Variants in STK31 observed in about 807,000 individuals in gnomAD.
STK31 encodes serine/threonine-protein kinase 31.
STK31 carries 89 observed loss-of-function variants against 129.7 expected under a neutral mutation model. The observed-to-expected ratio is 0.69, with a 90% CI of 0.58 to 0.82. The LOEUF (loss-of-function observed/expected upper bound fraction) is 0.82, where lower values mean the gene tolerates loss of function less well. Ranked by LOEUF, STK31 falls within the 40% of genes least tolerant of loss-of-function variation. The pLI is 0.00. For missense variants in STK31, 1,187 were observed against 1,176.4 expected, an observed-to-expected ratio of 1.01 and a Z score of -0.13; for synonymous variants, 448 against 395.3, an observed-to-expected ratio of 1.13 and a Z score of -1.58.
At chr7:23,724,093 A>G (rs1346063427) in intron 4 of STK31, among the ~76,000 whole-genome samples, 3 of 152,210 alleles carry the variant, frequency 2.0e-5, no homozygotes, top group Non-Finnish European at 2.9e-5. Context: ...AACAATTTAA[A>G]AGACAAATGG....
At chr7:23,816,049 A>T (rs1793451133) in intron 23 of STK31, among the ~76,000 whole-genome samples, 1 of 152,162 alleles carries the variant, frequency 6.6e-6, no homozygotes, top group Non-Finnish European at 1.5e-5. Flanking sequence ...ATTGTATAAT[A>T]CCTTCTAATG....
intron 22 of STK31, among the ~76,000 whole-genome samples, chr7:23,796,184 G>A (rs1384931869): frequency 1.1e-4 from 16 of 152,108 alleles, no homozygotes; most frequent in Admixed American, 1.0e-3. Flanking sequence ...TTTGAATTAC[G>A]GGGTGGTTCC....
At chr7:23,737,833 C>G (rs1020686280) in intron 8 of STK31, among the ~76,000 whole-genome samples, 1 of 151,194 alleles carries the variant, frequency 6.6e-6, no homozygotes, top group Non-Finnish European at 1.5e-5. Context: ...AGAAATTTTC[C>G]CCCCCAGGGA....
intron 20 of STK31, among the ~76,000 whole-genome samples, 166 bp downstream of exon 20, chr7:23,787,090 G>A (rs1229388593): frequency 6.6e-6 from 1 of 152,164 alleles, no homozygotes. Context: ...ATATAGATGA[G>A]AAAAAGCGTT....
At chr7:23,765,792 C>G (rs946295983) in intron 11 of STK31, among the ~76,000 whole-genome samples, 10 of 152,162 alleles carry the variant, frequency 6.6e-5, no homozygotes, top group African/African-American at 2.4e-4. Context: ...AGTCATCCAC[C>G]CGCCTCAGCC....
intron 20 of STK31, among the ~76,000 whole-genome samples, 169 bp downstream of exon 20, chr7:23,787,093 A>G (rs941680411): frequency 2.5e-4 from 38 of 152,154 alleles, no homozygotes; most frequent in Admixed American, 2.5e-3. Context: ...TAGATGAGAA[A>G]AAGCGTTAAA....
chr7:23,815,896 G>A (rs192231440), intron 23 of STK31, among the ~76,000 whole-genome samples: 1 of 152,032 alleles, frequency 6.6e-6, no homozygotes, highest in Non-Finnish European at 1.5e-5. Flanking sequence ...TAGATATAAA[G>A]AGGATAAATA....
chr7:23,754,458 A>C lies in STK31; in HGVS notation c.1277A>C (p.Lys426Thr). ...TACAGTCTGGCTCAGGAGAATATTA[A>C]AACTTGTGAATATGTGGTGAGTTGG... ...AEYSLAQENIKTCEYVSEGNI... is the reference protein window; with the variant it reads ...AEYSLAQENITTCEYVSEGNI... The change falls in exon 10 of 24, where the codon AAA (lysine) becomes ACA (threonine). Residue 426 changes from lysine to threonine, a missense_variant. Physicochemically the swap from Lys to Thr is moderately conservative, Grantham distance 78 (BLOSUM62 -1). Around this residue, in one of 5 missense-constraint regions of STK31, gnomAD observed 975 missense variants for 934.9 expected, o/e 1.04. Coordinates refer to ENST00000355870, the MANE Select transcript of STK31 (RefSeq NM_031414.5). 1 of 1,610,932 alleles carries C rather than the reference A, an allele frequency of 6.2e-7. No individual in the cohort carries two copies. Among genetic ancestry groups the C allele is most frequent in the Non-Finnish European group, 8.5e-7 (1 of 1,179,326 alleles).
intron 22 of STK31, among the ~76,000 whole-genome samples, chr7:23,809,317 C>T (rs1157183846): frequency 6.6e-6 from 1 of 152,056 alleles, no homozygotes; most frequent in African/African-American, 2.4e-5. Context: ...TCACAGCCAC[C>T]TCATTCTCAC....
intron 22 of STK31, among the ~76,000 whole-genome samples, chr7:23,802,287 G>A (rs1269462560): frequency 6.6e-6 from 1 of 152,150 alleles, no homozygotes; most frequent in Non-Finnish European, 1.5e-5. Context: ...GACATTTGTG[G>A]TAGCAGAACT....
At chr7:23,803,833 A>G (rs150024957) in intron 22 of STK31, among the ~76,000 whole-genome samples, 6 of 152,134 alleles carry the variant, frequency 3.9e-5, no homozygotes, top group Admixed American at 6.6e-5. Flanking sequence ...TTGGTTTTCT[A>G]TATCTTTTAA....
intron 8 of STK31, among the ~76,000 whole-genome samples, chr7:23,741,639 C>T (rs773686947): frequency 2.0e-5 from 3 of 152,168 alleles, no homozygotes; most frequent in Non-Finnish European, 4.4e-5. Flanking sequence ...ACTAGAATGT[C>T]TGCTGTGGCT....
chr7:23,751,756 A>G (rs1353410928), intron 8 of STK31, among the ~76,000 whole-genome samples: 4 of 152,194 alleles, frequency 2.6e-5, no homozygotes, highest in Non-Finnish European at 5.9e-5. Context: ...ATGCAAATAT[A>G]CATTTAGAAT....
In STK31 at chr7:23,820,167, C is replaced by T. The variant is rs115380216; in HGVS notation, c.2829+4955C>T. Among the ~76,000 whole-genome samples, 1,095 of 152,260 alleles carry T rather than the reference C, an allele frequency of 7.2e-3. 14 individuals are homozygous for T. The highest frequency in any genetic ancestry group is 0.025 in the African/African-American group (1,059 of 41,548). On this transcript the variant is annotated intron_variant, in intron 23 of 23. Coordinates refer to ENST00000355870, the MANE Select transcript of STK31 (RefSeq NM_031414.5). ...AATTCCATTGTTTCAGTATTGGAGGCATTCCATTTCACCAAAAAGTACAGT... is the reference window on the plus strand; with the variant it reads ...AATTCCATTGTTTCAGTATTGGAGGTATTCCATTTCACCAAAAAGTACAGT...
intron 23 of STK31, among the ~76,000 whole-genome samples, chr7:23,828,359 G>A (rs1255830828): frequency 6.6e-6 from 1 of 152,236 alleles, no homozygotes; most frequent in East Asian, 1.9e-4. Flanking sequence ...TGCTAGCAAT[G>A]AGCGAGGCTC....
At chr7:23,728,827 T>G (rs2128073518) in intron 5 of STK31, among the ~76,000 whole-genome samples, 1 of 152,272 alleles carries the variant, frequency 6.6e-6, no homozygotes, top group Middle Eastern at 3.4e-3. Context: ...ATCAATTGTC[T>G]AAAAACAAAA....
At chr7:23,768,708 AAGTT>A (rs1390362268) in intron 11 of STK31, among the ~76,000 whole-genome samples, 6 of 152,216 alleles carry the variant, frequency 3.9e-5, no homozygotes, top group African/African-American at 9.6e-5. Flanking sequence ...TTTATACAAA[AAGTT>A]AGGGAAAACA....
intron 8 of STK31, among the ~76,000 whole-genome samples, chr7:23,738,919 T>C (rs1034969753): frequency 9.9e-5 from 15 of 152,188 alleles, no homozygotes; most frequent in African/African-American, 3.6e-4. Flanking sequence ...CCATTGTAAA[T>C]AGTGCTGCAA....
In STK31 at chr7:23,781,436, C is replaced by T; in HGVS notation, c.1983C>T (p.Gly661=). 1 of 1,610,402 alleles carries T rather than the reference C, an allele frequency of 6.2e-7. No individual in the cohort carries two copies. The highest frequency in any genetic ancestry group is 8.5e-7 in the Non-Finnish European group (1 of 1,178,718). ...SNLEESDDPD[G]SQIEKIKEEI... ...GATTCAAGTCAGATGATCCTGATGG[C>T]TCTCAAATTGAGAAAATAAAAGAAG... The change falls in exon 16 of 24, where the codon GGC becomes GGT. Residue 661 remains glycine (G), a synonymous_variant. Transcript: ENST00000355870.
Sources: gnomAD v4.1 joint callset for allele counts (sites outside exome capture counted in the v4.1 genomes callset) on GRCh38, gnomAD v4.1.1 for gene constraint, gnomAD v4.1.1 regional missense constraint, MANE v1.5 for transcripts, NCBI Gene and HGNC (gene_info 2026-07-23, HGNC 2026-07-21) for gene names.